TRPS1: variants seen among roughly 807,000 people sequenced by gnomAD.
TRPS1 encodes zinc finger transcription factor Trps1.
A neutral mutation model predicts 101.2 loss-of-function variants in TRPS1; 6 were observed. The observed-to-expected ratio is 0.06, with a 90% CI of 0.03 to 0.12. The LOEUF (loss-of-function observed/expected upper bound fraction) is 0.12, where lower values mean the gene tolerates loss of function less well. Ranked by LOEUF, TRPS1 falls within the 10% of genes least tolerant of loss-of-function variation. The pLI is 1.00. For synonymous variants in TRPS1, 578 were observed against 589.8 expected (o/e 0.98, Z 0.29); for missense variants, 1,363 against 1,567.0 (o/e 0.87, Z 2.20).
chr8:115,434,272 T>C (rs555607928), intron 5 of TRPS1, among the ~76,000 whole-genome samples: 7 of 152,308 alleles, frequency 4.6e-5, no homozygotes, highest in Admixed American at 4.6e-4. Context: ...TGGCCTTATA[T>C]TTATAGATCT....
At chr8:115,607,421 T>A (rs573992407) in intron 3 of TRPS1, among the ~76,000 whole-genome samples, 2 of 150,828 alleles carry the variant, frequency 1.3e-5, no homozygotes, top group African/African-American at 4.9e-5. Flanking sequence ...CGTGTCTAGA[T>A]GTGTTTTTTT....
chr8:115,442,957 G>A (rs527272727), intron 5 of TRPS1, among the ~76,000 whole-genome samples: 5 of 152,112 alleles, frequency 3.3e-5, no homozygotes, highest in East Asian at 3.9e-4. Context: ...TTAGCCGGAC[G>A]TGGTGGCGGG....
intron 1 of TRPS1, among the ~76,000 whole-genome samples, chr8:115,650,447 T>C (rs1039838336): frequency 6.6e-6 from 1 of 152,228 alleles, no homozygotes; most frequent in Admixed American, 6.5e-5. Context: ...TTCTCCTTCA[T>C]GGTCCCATGT....
At chr8:115,446,695 G>T (rs1158020870) in intron 5 of TRPS1, among the ~76,000 whole-genome samples, 1 of 152,142 alleles carries the variant, frequency 6.6e-6, no homozygotes, top group Non-Finnish European at 1.5e-5. Flanking sequence ...ATCCTCGAAT[G>T]TTAGAGCTAA....
intron 5 of TRPS1, among the ~76,000 whole-genome samples, chr8:115,543,609 GTCC>G (rs1816503745): frequency 1.1e-5 from 1 of 88,028 alleles, no homozygotes; most frequent in African/African-American, 5.3e-5. Context: ...GAAAAATGAT[GTCC>G]TCATTTTTTC....
intron 4 of TRPS1, among the ~76,000 whole-genome samples, chr8:115,587,844 AC>A (rs1817602318): frequency 6.6e-6 from 1 of 152,190 alleles, no homozygotes; most frequent in Non-Finnish European, 1.5e-5. Flanking sequence ...ACACACACAC[AC>A]ACACACACAC....
chr8:115,608,504 T>C (rs770980492), intron 3 of TRPS1, among the ~76,000 whole-genome samples: 3 of 152,218 alleles, frequency 2.0e-5, no homozygotes, highest in Non-Finnish European at 4.4e-5. Context: ...CATCTGCCTG[T>C]ATTTATTTGC....
At chr8:115,508,008 C>T (rs1157567394) in intron 5 of TRPS1, among the ~76,000 whole-genome samples, 1 of 151,830 alleles carries the variant, frequency 6.6e-6, no homozygotes, top group East Asian at 1.9e-4. Flanking sequence ...AACAACTTGC[C>T]TGTCTAAAAT....
At chr8:115,646,626 T>C (rs903435017) in intron 1 of TRPS1, among the ~76,000 whole-genome samples, 1 of 152,178 alleles carries the variant, frequency 6.6e-6, no homozygotes. Context: ...GAAAAATATA[T>C]GGTGGACCTA....
In TRPS1 at chr8:115,548,487, C is replaced by T. The variant is rs184852532; in HGVS notation, c.2700+38514G>A. Among the ~76,000 whole-genome samples, 102 of 151,902 alleles carry T rather than the reference C, an allele frequency of 6.7e-4. No individual in the cohort carries two copies. The Middle Eastern group carries it at 0.01, about 15-fold the overall frequency. Reference sequence around the variant, plus strand: ...TGAGTAGCTGGGATTACAGGTGCCCCGCCCGCCACCACGCCCTGCTGATCG... The same window carrying T: ...TGAGTAGCTGGGATTACAGGTGCCCTGCCCGCCACCACGCCCTGCTGATCG... On this transcript the variant is annotated intron_variant, in intron 5 of 6. Transcript: ENST00000395715.
chr8:115,565,005 T>C (rs1170697595), intron 5 of TRPS1, among the ~76,000 whole-genome samples: 3 of 152,088 alleles, frequency 2.0e-5, no homozygotes, highest in African/African-American at 7.2e-5. Context: ...CGAATAAACA[T>C]GTAGGTTTCC....
At chr8:115,466,636 G>A (rs1431565341) in intron 5 of TRPS1, among the ~76,000 whole-genome samples, 1 of 152,090 alleles carries the variant, frequency 6.6e-6, no homozygotes, top group Non-Finnish European at 1.5e-5. Context: ...TTCAGGGTAA[G>A]GAGGGAGCAG....
intron 5 of TRPS1, among the ~76,000 whole-genome samples, chr8:115,528,157 G>A (rs1816045779): frequency 6.6e-6 from 1 of 152,030 alleles, no homozygotes; most frequent in Admixed American, 6.6e-5. Context: ...AACCTTTCTG[G>A]GAAAGTAAAA....
intron 1 of TRPS1, among the ~76,000 whole-genome samples, chr8:115,665,620 A>C (rs978701418): frequency 6.6e-6 from 1 of 152,172 alleles, no homozygotes; most frequent in African/African-American, 2.4e-5. Flanking sequence ...TCCGATCCTA[A>C]ACTGGTTTTC....
intron 5 of TRPS1, among the ~76,000 whole-genome samples, chr8:115,479,123 C>G (rs989716241): frequency 6.6e-6 from 1 of 151,746 alleles, no homozygotes; most frequent in Non-Finnish European, 1.5e-5. Context: ...TTCCAGTTAC[C>G]TTAAAAAATC....
intron 1 of TRPS1, among the ~76,000 whole-genome samples, chr8:115,646,641 C>T (rs778343705): frequency 2.0e-5 from 3 of 152,134 alleles, no homozygotes; most frequent in Non-Finnish European, 4.4e-5. Context: ...GACCTAAAGT[C>T]TTTATTACTT....
At chr8:115,531,284 T>C (rs1406717165) in intron 5 of TRPS1, among the ~76,000 whole-genome samples, 1 of 152,174 alleles carries the variant, frequency 6.6e-6, no homozygotes, top group African/African-American at 2.4e-5. Flanking sequence ...AACCGGCTAG[T>C]TCTGAACTTT....
intron 5 of TRPS1, among the ~76,000 whole-genome samples, chr8:115,576,372 A>G (rs1203307373): frequency 6.6e-6 from 1 of 152,062 alleles, no homozygotes; most frequent in Non-Finnish European, 1.5e-5. Flanking sequence ...TTTTGTCTTA[A>G]AGTTGCCTCG....
In TRPS1 at chr8:115,517,545, T is replaced by C. The variant is rs184916404; in HGVS notation, c.2700+69456A>G. ...CTAATTAGTAACATTAAAATAACATTATAACAACAAAAATTGTTGTGAAAA... is the reference window on the plus strand; with the variant it reads ...CTAATTAGTAACATTAAAATAACATCATAACAACAAAAATTGTTGTGAAAA... On this transcript the variant is annotated intron_variant, in intron 5 of 6. Coordinates refer to ENST00000395715, the MANE Select transcript of TRPS1 (RefSeq NM_014112.5). 8.5e-5 allele frequency among the ~76,000 whole-genome samples: 10 copies of C among 117,730 alleles called. No individual in the cohort carries two copies. In the East Asian group the frequency reaches 2.0e-3, roughly 23 times the overall value. The allele number at this position is 117,730 out of a possible 152,430, so 77.2% of individuals were successfully genotyped here. A position where few individuals can be genotyped will look rare whatever the true frequency, so the allele number is the denominator to read the frequency against.
Sources: allele counts gnomAD v4.1 joint callset (sites outside exome capture counted in the v4.1 genomes callset), GRCh38; gene constraint gnomAD v4.1.1; transcripts MANE v1.5; gene names NCBI Gene and HGNC (gene_info 2026-07-23, HGNC 2026-07-21).